Variants in UMAD1 observed in about 807,000 individuals in gnomAD.
UMAD1 encodes the protein UBAP1-MVB12-associated (UMA)-domain containing protein 1.
Under a neutral mutation model 6.1 loss-of-function variants are expected in UMAD1, and 8 were observed. That is an observed-to-expected ratio of 1.30 (90% CI 0.76 to 2.35). The LOEUF is 2.35. UMAD1 is among the 30% of genes most tolerant of loss of function. UMAD1 has a pLI of 0.00. For synonymous variants in UMAD1, 56 were observed against 31.4 expected (o/e 1.78, Z -2.61); for missense variants, 130 against 78.4 (o/e 1.66, Z -2.49).
chr7:7,702,475 A>C (rs1174697591), intron 2 of UMAD1, among the ~76,000 whole-genome samples: 3 of 152,214 alleles, frequency 2.0e-5, no homozygotes, highest in Non-Finnish European at 4.4e-5. Flanking sequence ...GCTTTCAAGT[A>C]CACTCCAATA....
At chr7:7,839,987 C>G (rs957581404) in intron 3 of UMAD1, among the ~76,000 whole-genome samples, 7 of 151,968 alleles carry the variant, frequency 4.6e-5, no homozygotes, top group African/African-American at 1.7e-4. Context: ...AAAACATGGT[C>G]GGAACAAACA....
intron 3 of UMAD1, among the ~76,000 whole-genome samples, chr7:7,836,473 G>A (rs1783572739): frequency 6.6e-6 from 1 of 151,850 alleles, no homozygotes; most frequent in East Asian, 1.9e-4. Flanking sequence ...TACCTTTGAA[G>A]TTTAGAAATT....
chr7:7,849,919 T>C (rs1583871618), intron 3 of UMAD1, among the ~76,000 whole-genome samples: 1 of 152,270 alleles, frequency 6.6e-6, no homozygotes, highest in South Asian at 2.1e-4. Context: ...CAAGGAGTTT[T>C]AGATAGAACT....
At chr7:7,833,627 T>C (rs937052686) in intron 3 of UMAD1, among the ~76,000 whole-genome samples, 4 of 152,126 alleles carry the variant, frequency 2.6e-5, no homozygotes, top group Admixed American at 6.6e-5. Context: ...GTAATTACCA[T>C]ACTATGGCAC....
chr7:7,856,267 C>T (rs527724131), intron 3 of UMAD1, among the ~76,000 whole-genome samples: 8 of 152,222 alleles, frequency 5.3e-5, no homozygotes, highest in East Asian at 1.9e-4. Context: ...CCCGAGACTG[C>T]GTAATTAATA....
chr7:7,838,014 A>G (rs564868617), intron 3 of UMAD1, among the ~76,000 whole-genome samples: 1 of 152,180 alleles, frequency 6.6e-6, no homozygotes, highest in Non-Finnish European at 1.5e-5. Context: ...TATGCCCCCA[A>G]TAACAGACTA....
intron 1 of UMAD1, among the ~76,000 whole-genome samples, chr7:7,656,219 G>T (rs956847662): frequency 1.3e-5 from 2 of 152,126 alleles, no homozygotes; most frequent in African/African-American, 4.8e-5. Flanking sequence ...TGGTTCTGAG[G>T]GTGGAAGTGG....
intron 2 of UMAD1, among the ~76,000 whole-genome samples, chr7:7,748,531 A>G (rs1236766266): frequency 6.6e-6 from 1 of 151,978 alleles, no homozygotes; most frequent in Non-Finnish European, 1.5e-5. Flanking sequence ...TTTTGAGGGG[A>G]TCAAGTGAGG....
At chr7:7,687,901 G>A (rs1319428555) in intron 2 of UMAD1, among the ~76,000 whole-genome samples, 1 of 152,040 alleles carries the variant, frequency 6.6e-6, no homozygotes, top group Non-Finnish European at 1.5e-5. Flanking sequence ...TTTATTTCTG[G>A]CATCCATCAT....
intron 2 of UMAD1, among the ~76,000 whole-genome samples, chr7:7,782,391 GT>G (rs1563201660): frequency 1.3e-5 from 2 of 151,982 alleles, no homozygotes; most frequent in African/African-American, 4.8e-5. Flanking sequence ...ATGCGTGCAT[GT>G]AAGATACCAG....
intron 2 of UMAD1, among the ~76,000 whole-genome samples, chr7:7,799,623 A>G (rs1361149345): frequency 1.3e-5 from 2 of 152,226 alleles, no homozygotes; most frequent in African/African-American, 2.4e-5. Flanking sequence ...TTTCTTAGAA[A>G]CATCGTGCAT....
intron 1 of UMAD1, among the ~76,000 whole-genome samples, chr7:7,671,911 T>C (rs1413019592): frequency 6.6e-6 from 1 of 152,200 alleles, no homozygotes; most frequent in African/African-American, 2.4e-5. Context: ...ACATGACTTG[T>C]GTTTTTCTTC....
intron 2 of UMAD1, chr7:7,689,238 T>C (rs1780114536): frequency 6.6e-6 from 1 of 152,200 alleles, no homozygotes; most frequent in Admixed American, 6.6e-5. Flanking sequence ...CATGGGCAGA[T>C]ACAGACAGAA....
intron 1 of UMAD1, among the ~76,000 whole-genome samples, chr7:7,642,558 G>A (rs775560302): frequency 1.3e-4 from 20 of 151,972 alleles, no homozygotes; most frequent in Non-Finnish European, 2.6e-4. Flanking sequence ...TTTAAGCAAA[G>A]GCTTTCTTTT....
At chr7:7,795,088 A>T (rs1782647668) in intron 2 of UMAD1, among the ~76,000 whole-genome samples, 1 of 152,226 alleles carries the variant, frequency 6.6e-6, no homozygotes, top group South Asian at 2.1e-4. Flanking sequence ...TTTTAGGCTG[A>T]ACCAATATAT....
intron 2 of UMAD1, among the ~76,000 whole-genome samples, chr7:7,761,249 C>T (rs561480704): frequency 1.3e-5 from 2 of 151,546 alleles, no homozygotes; most frequent in East Asian, 3.9e-4. Context: ...CCTGTGGTCC[C>T]AGCTACTCGG....
chr7:7,785,099 G>C (rs1331980644), intron 2 of UMAD1, among the ~76,000 whole-genome samples: 1 of 152,176 alleles, frequency 6.6e-6, no homozygotes, highest in Admixed American at 6.5e-5. Context: ...CAGTCCTTCA[G>C]ATTTTAGCGG....
intron 2 of UMAD1, among the ~76,000 whole-genome samples, chr7:7,762,282 T>TG (rs1781906213): frequency 1.3e-5 from 2 of 152,142 alleles, no homozygotes; most frequent in South Asian, 4.1e-4. Flanking sequence ...TTCCCCAGCT[T>TG]CTAACTTGGG....
intron 3 of UMAD1, among the ~76,000 whole-genome samples, chr7:7,856,592 G>A (rs1784023084): frequency 6.6e-6 from 1 of 152,032 alleles, no homozygotes; most frequent in South Asian, 2.1e-4. Context: ...ATCATTGGGT[G>A]TGTTTTTTTT....
Sources: gnomAD v4.1 joint callset for allele counts (sites outside exome capture counted in the v4.1 genomes callset) on GRCh38, gnomAD v4.1.1 for gene constraint, MANE v1.5 for transcripts, NCBI Gene and HGNC (gene_info 2026-07-23, HGNC 2026-07-21) for gene names.